The following ASCC3 variants were observed in gnomAD, a reference collection of about 807,000 sequenced individuals.
ASCC3 encodes activating signal cointegrator 1 complex subunit 3.
In ASCC3, 158 loss-of-function variants were observed where a neutral mutation model predicts 256.3. That is an observed-to-expected ratio of 0.62 (90% confidence interval 0.54 to 0.70). The LOEUF is 0.70. ASCC3 is among the 30% of genes least tolerant of loss of function. ASCC3 has a pLI of 0.00. For synonymous variants in ASCC3, 948 were observed against 883.4 expected (o/e 1.07, Z -1.30); for missense variants, 2,259 against 2,626.0 (o/e 0.86, Z 3.05).
intron 36 of ASCC3, among the ~76,000 whole-genome samples, chr6:100,571,058 C>T (rs1472262815): frequency 6.6e-6 from 1 of 152,126 alleles, no homozygotes; most frequent in Non-Finnish European, 1.5e-5. Context: ...AAAATCCCAC[C>T]AATGGCTCCT....
At chr6:100,724,117 G>A (rs1779504545) in intron 11 of ASCC3, among the ~76,000 whole-genome samples, 1 of 145,960 alleles carries the variant, frequency 6.9e-6, no homozygotes, top group Admixed American at 6.9e-5. Flanking sequence ...GAAGAAGCAA[G>A]GAAGGCTGAG....
chr6:100,855,637 C>T (rs1017077212), intron 3 of ASCC3, among the ~76,000 whole-genome samples: 4 of 152,176 alleles, frequency 2.6e-5, no homozygotes, highest in African/African-American at 9.6e-5. Context: ...TGAATTCTTT[C>T]CTGACTTACC....
chr6:100,718,912 C>T (rs1200069039), intron 11 of ASCC3, among the ~76,000 whole-genome samples: 1 of 151,940 alleles, frequency 6.6e-6, no homozygotes, highest in Non-Finnish European at 1.5e-5. Context: ...CAAGGGATGG[C>T]CAAAAACTTC....
intron 8 of ASCC3, among the ~76,000 whole-genome samples, chr6:100,784,679 G>A (rs141337422): frequency 6.6e-6 from 1 of 151,774 alleles, no homozygotes; most frequent in African/African-American, 2.4e-5. Context: ...ATATATCAAA[G>A]AATTCTGCTA....
chr6:100,792,911 A>C (rs1367868384), intron 8 of ASCC3, among the ~76,000 whole-genome samples: 1 of 151,968 alleles, frequency 6.6e-6, no homozygotes, highest in Admixed American at 6.6e-5. Context: ...TAAGAAAATA[A>C]AATATGAAAG....
At chr6:100,591,808 C>T (rs191779685) in intron 34 of ASCC3, among the ~76,000 whole-genome samples, 244 of 151,906 alleles carry the variant, frequency 1.6e-3, no homozygotes, top group African/African-American at 5.8e-3. Flanking sequence ...TACCATCAGC[C>T]GTTGTCCTAT....
At chr6:100,535,334 ATCAG>A (rs1562100526) in intron 37 of ASCC3, among the ~76,000 whole-genome samples, 1 of 152,168 alleles carries the variant, frequency 6.6e-6, no homozygotes, top group Non-Finnish European at 1.5e-5. Context: ...AGAACTGCCA[ATCAG>A]TCATTTTCTC....
chr6:100,692,130 G>T (rs1777875202), intron 13 of ASCC3, among the ~76,000 whole-genome samples: 1 of 152,038 alleles, frequency 6.6e-6, no homozygotes. Flanking sequence ...CTTGTGGCAA[G>T]AGGAAAGCAA....
At chr6:100,824,037 A>G (rs537759678) in intron 4 of ASCC3, among the ~76,000 whole-genome samples, 2 of 152,332 alleles carry the variant, frequency 1.3e-5, no homozygotes, top group South Asian at 4.1e-4. Context: ...GGCTTAAAAA[A>G]GATATAATGA....
chr6:100,795,592 T>C (rs1343147759), intron 8 of ASCC3, among the ~76,000 whole-genome samples: 2 of 152,130 alleles, frequency 1.3e-5, no homozygotes, highest in African/African-American at 4.8e-5. Flanking sequence ...AAGAGATGCA[T>C]CTACATTTTT....
intron 4 of ASCC3, among the ~76,000 whole-genome samples, chr6:100,819,914 G>GA (rs77081638): frequency 0.35 from 52,301 of 150,334 alleles, 10,665 homozygotes; most frequent in Middle Eastern, 0.52. Flanking sequence ...ACATTACTGG[G>GA]AAAAAAAAAT....
At chr6:100,773,110 A>C (rs1466363306) in intron 8 of ASCC3, among the ~76,000 whole-genome samples, 2 of 152,198 alleles carry the variant, frequency 1.3e-5, no homozygotes, top group African/African-American at 4.8e-5. Context: ...TCACACAACT[A>C]TAAATGGTAG....
intron 36 of ASCC3, among the ~76,000 whole-genome samples, chr6:100,558,389 G>T (rs748286498): frequency 6.6e-6 from 1 of 152,032 alleles, no homozygotes; most frequent in Admixed American, 6.6e-5. Flanking sequence ...TCTCTATTTT[G>T]ATTTGTAAAT....
chr6:100,696,518 A>T (rs149185987), intron 13 of ASCC3, among the ~76,000 whole-genome samples: 1 of 152,138 alleles, frequency 6.6e-6, no homozygotes, highest in African/African-American at 2.4e-5. Context: ...GCTTAAGTCC[A>T]AATATCAGGT....
chr6:100,662,306 A>G lies in ASCC3; in HGVS notation c.2478+39T>C, dbSNP rs560138155. 1.9e-6 allele frequency: 3 copies of G among 1,594,998 alleles called. No individual in the cohort carries two copies. In the South Asian group the frequency reaches 3.4e-5, roughly 18 times the overall value. ...TCAACCCAGAGCCTTGCTTTAAGAC[A>G]CACACAAAATCCATTTATCAAGGAA... On this transcript the variant is annotated intron_variant, in intron 15 of 41. Coordinates refer to ENST00000369162, the MANE Select transcript of ASCC3 (RefSeq NM_006828.4).
At chr6:100,511,604 T>A (rs1040810123) in intron 40 of ASCC3, among the ~76,000 whole-genome samples, 4 of 151,972 alleles carry the variant, frequency 2.6e-5, no homozygotes, top group African/African-American at 4.8e-5. Context: ...TAGTGGCACA[T>A]GCCTGTAAAA....
intron 4 of ASCC3, among the ~76,000 whole-genome samples, chr6:100,808,448 T>A (rs1770297647): frequency 6.6e-6 from 1 of 151,922 alleles, no homozygotes; most frequent in Non-Finnish European, 1.5e-5. Context: ...TTGAAAACGC[T>A]TTTAAAATAT....
At chr6:100,754,443 C>T (rs940704849) in intron 10 of ASCC3, among the ~76,000 whole-genome samples, 2 of 152,046 alleles carry the variant, frequency 1.3e-5, no homozygotes, top group African/African-American at 4.8e-5. Flanking sequence ...ATGGGTTATC[C>T]ATCCCCTCAA....
chr6:100,585,523 G>C (rs1043846968), intron 36 of ASCC3, among the ~76,000 whole-genome samples: 1 of 152,120 alleles, frequency 6.6e-6, no homozygotes, highest in African/African-American at 2.4e-5. Flanking sequence ...CCTTTGGTTT[G>C]AATTTCCTCC....
Sources: allele counts gnomAD v4.1 joint callset (sites outside exome capture counted in the v4.1 genomes callset), GRCh38; gene constraint gnomAD v4.1.1; transcripts MANE v1.5; gene names NCBI Gene and HGNC (gene_info 2026-07-23, HGNC 2026-07-21).